Variants in CLDN18 observed in about 807,000 individuals in gnomAD.
CLDN18 encodes the protein claudin 18.
Under a neutral mutation model 25.0 loss-of-function variants are expected in CLDN18, and 20 were observed. That is an observed-to-expected ratio of 0.80 (90% CI 0.56 to 1.16). The LOEUF is 1.16. CLDN18 is among the 50% of genes most tolerant of loss of function. CLDN18 has a pLI of 0.00. For synonymous variants in CLDN18, 125 were observed against 135.6 expected (o/e 0.92, Z 0.54); for missense variants, 297 against 345.4 (o/e 0.86, Z 1.11).
chr3:138,011,235 G>A (rs1357110857), intron 1 of CLDN18, among the ~76,000 whole-genome samples: 1 of 152,092 alleles, frequency 6.6e-6, no homozygotes, highest in Non-Finnish European at 1.5e-5. Context: ...GCTAATTAGT[G>A]GCTCTAAGGG....
chr3:138,022,960 G>A (rs910653733), intron 1 of CLDN18, among the ~76,000 whole-genome samples: 1 of 152,200 alleles, frequency 6.6e-6, no homozygotes, highest in African/African-American at 2.4e-5. Flanking sequence ...CTGCAGAAGA[G>A]TCCCTGTAGG....
intron 1 of CLDN18, among the ~76,000 whole-genome samples, chr3:138,011,468 AT>A (rs1258932040): frequency 2.0e-5 from 3 of 152,136 alleles, no homozygotes; most frequent in Non-Finnish European, 4.4e-5. Flanking sequence ...TATTTATTCC[AT>A]TTTTTGGAAG....
At chr3:138,030,845 C>A in intron 4 of CLDN18, 125 bp from the exon 5 acceptor site, 1 of 857,630 alleles carries the variant, frequency 1.2e-6, no homozygotes, top group Non-Finnish European at 1.8e-6. Context: ...TGGTTTGCCC[C>A]GGACTGATGG....
chr3:138,022,674 C>T (rs1942284508), intron 1 of CLDN18, among the ~76,000 whole-genome samples: 1 of 152,204 alleles, frequency 6.6e-6, no homozygotes, highest in Non-Finnish European at 1.5e-5. Flanking sequence ...TCAGCTCCAC[C>T]AGACCAACCA....
At chr3:138,024,759 G>A (rs754993421) in intron 3 of CLDN18, 35 bp downstream of exon 3, 2 of 1,194,312 alleles carry the variant, frequency 1.7e-6, no homozygotes, top group South Asian at 1.3e-5. Flanking sequence ...CATTCACCAT[G>A]ATGAATATTG....
intron 1 of CLDN18, among the ~76,000 whole-genome samples, chr3:138,012,106 T>C (rs776653580): frequency 1.2e-4 from 18 of 152,200 alleles, no homozygotes; most frequent in African/African-American, 1.7e-4. Flanking sequence ...TCCTCACTTA[T>C]GCATATGGCC....
rs2107892592 is a variant in CLDN18 at position 138,033,060 on chromosome 3, C to T, written c.*1919C>T. ...GAGGAAAGTCCTCACATCAATAGTA[C>T]ATATGAAAGTGACCTCCAAGGGGAT... On this transcript the variant is annotated 3_prime_UTR_variant, in exon 5 of 5. Coordinates refer to ENST00000183605, the MANE Select transcript of CLDN18 (RefSeq NM_016369.4). The T allele has an allele frequency of 6.6e-6, 1 of 152,326 alleles. No homozygotes were observed. The highest frequency in any genetic ancestry group is 2.4e-5 in the African/African-American group (1 of 41,570). The allele number at this position is 152,326 out of a possible 1,614,324, so 9.4% of individuals were successfully genotyped here. A position where few individuals can be genotyped will look rare whatever the true frequency, so the allele number is the denominator to read the frequency against.
upstream of CLDN18, among the ~76,000 whole-genome samples, chr3:138,005,934 C>T (rs1302256890): frequency 6.6e-6 from 1 of 152,040 alleles, no homozygotes; most frequent in East Asian, 1.9e-4. Context: ...TGAATAATAG[C>T]ACTTCTATAT....
chr3:138,028,037 T>C (rs1016747424), intron 3 of CLDN18, among the ~76,000 whole-genome samples: 1 of 152,164 alleles, frequency 6.6e-6, no homozygotes, highest in African/African-American at 2.4e-5. Flanking sequence ...CATTGTTTAC[T>C]TTAATCCTGC....
chr3:138,004,559 G>A (rs535609473), intron 1 of CLDN18: 1 of 152,182 alleles, frequency 6.6e-6, no homozygotes, highest in East Asian at 1.9e-4. Flanking sequence ...TTGGCATAAG[G>A]ATGGACAAAC....
rs1161993667 is a variant in CLDN18 at position 138,033,284 on chromosome 3, G to C, written c.*2143G>C. 1 of 152,270 alleles carries C rather than the reference G, an allele frequency of 6.6e-6. No individual in the cohort carries two copies. Among genetic ancestry groups the C allele is most frequent in the Non-Finnish European group, 1.5e-5 (1 of 68,076 alleles). The allele number at this position is 152,270 out of a possible 1,614,324, so 9.4% of individuals were successfully genotyped here. On this transcript the variant is annotated 3_prime_UTR_variant, in exon 5 of 5. Coordinates refer to ENST00000183605, the MANE Select transcript of CLDN18 (RefSeq NM_016369.4). ...CTGCCTCAGTTTGGGTAAAGGATGAGCAGACAAGTCAACTAAAGAAAAAAG... is the reference window on the plus strand; with the variant it reads ...CTGCCTCAGTTTGGGTAAAGGATGACCAGACAAGTCAACTAAAGAAAAAAG...
At chr3:138,019,686 G>A (rs1196656722) in intron 1 of CLDN18, among the ~76,000 whole-genome samples, 1 of 152,114 alleles carries the variant, frequency 6.6e-6, no homozygotes, top group Admixed American at 6.5e-5. Context: ...CTGGGGATGA[G>A]AACAAACATT....
At position 138,023,801 on chromosome 3, in the gene CLDN18, G is replaced by A. The variant is rs752318671; in HGVS notation, c.364G>A (p.Gly122Arg). 11 of 1,613,036 alleles carry A rather than the reference G, an allele frequency of 6.8e-6. No homozygotes were observed. The highest frequency in any genetic ancestry group is 2.2e-5 in the South Asian group (2 of 90,962). ...CAAAGCCAACATGACACTGACCTCC[G>A]GGATCATGTTCATTGTCTCAGGTAA... ...SAKANMTLTS[G>R]IMFIVSGLCA... Residue 122 changes from glycine (G) to arginine (R), a missense_variant, in exon 2 of 5, where the codon GGG becomes AGG. Transcript: ENST00000183605.
chr3:138,005,382 C>T (rs1166324329), upstream of CLDN18, among the ~76,000 whole-genome samples: 4 of 151,790 alleles, frequency 2.6e-5, no homozygotes, highest in African/African-American at 9.7e-5. Context: ...TGCTATCCCT[C>T]CCCGTGCCAC....
At chr3:138,004,338 C>T (rs916359214) in intron 1 of CLDN18, among the ~76,000 whole-genome samples, 1 of 152,096 alleles carries the variant, frequency 6.6e-6, no homozygotes, top group Non-Finnish European at 1.5e-5. Flanking sequence ...ACCATACAGG[C>T]GTTCTTCAGA....
chr3:138,004,369 C>A (rs1046027406), intron 1 of CLDN18, among the ~76,000 whole-genome samples: 1 of 150,352 alleles, frequency 6.7e-6, no homozygotes, highest in Non-Finnish European at 1.5e-5. Flanking sequence ...TTCTCCTTTA[C>A]AAGAATTCTT....
chr3:138,024,556 A>G, intron 2 of CLDN18, 51 bp from the exon 3 acceptor site: 1 of 1,122,918 alleles, frequency 8.9e-7, no homozygotes, highest in Non-Finnish European at 1.4e-6. Context: ...CCTCAGAAAC[A>G]TTGTAATCCC....
chr3:138,009,250 A>G (rs1942102000), upstream of CLDN18, among the ~76,000 whole-genome samples: 1 of 152,190 alleles, frequency 6.6e-6, no homozygotes, highest in African/African-American at 2.4e-5. Flanking sequence ...ACGACAAGTT[A>G]GGGGCAGCAT....
intron 3 of CLDN18, among the ~76,000 whole-genome samples, chr3:138,026,891 C>T (rs1022413460): frequency 1.3e-5 from 2 of 152,158 alleles, no homozygotes; most frequent in Non-Finnish European, 2.9e-5. Flanking sequence ...CAACTCCAAA[C>T]TAAAGAGCTG....
Sources: gnomAD v4.1 joint callset for allele counts (sites outside exome capture counted in the v4.1 genomes callset) on GRCh38, gnomAD v4.1.1 for gene constraint, MANE v1.5 for transcripts, NCBI Gene and HGNC (gene_info 2026-07-23, HGNC 2026-07-21) for gene names.